MYH10: variants seen among roughly 807,000 people sequenced by gnomAD.
MYH10 encodes the protein myosin heavy chain 10, also known as myosin-10.
A neutral mutation model predicts 257.8 loss-of-function variants in MYH10; 55 were observed. That is an observed-to-expected ratio of 0.21 (90% confidence interval 0.17 to 0.27). The LOEUF is 0.27. Ranked by LOEUF, MYH10 falls within the 10% of genes least tolerant of loss-of-function variation. The pLI is 1.00. For synonymous variants in MYH10, 854 were observed against 921.7 expected (o/e 0.93, Z 1.33); for missense variants, 1,631 against 2,500.6 (o/e 0.65, Z 7.42).
intron 13 of MYH10, 151 bp from the exon 14 acceptor site, chr17:8,542,431 C>T: frequency 1.5e-6 from 1 of 664,198 alleles, no homozygotes; most frequent in Non-Finnish European, 2.5e-6. Flanking sequence ...AGTGACTAAA[C>T]CAAGGGGGGT....
At chr17:8,508,481 C>A in intron 26 of MYH10, 73 bp downstream of exon 26, 2 of 1,578,018 alleles carry the variant, frequency 1.3e-6, no homozygotes, top group Admixed American at 1.8e-5. Flanking sequence ...TTTATTTTTG[C>A]ATGTTCTGAT....
At chr17:8,559,482 T>C (rs2082915810) in intron 7 of MYH10, among the ~76,000 whole-genome samples, 1 of 152,176 alleles carries the variant, frequency 6.6e-6, no homozygotes, top group Non-Finnish European at 1.5e-5. Context: ...CCCATTATTC[T>C]TATTATTTTA....
chr17:8,484,417 G>T, intron 36 of MYH10, 151 bp from the exon 37 acceptor site: 4 of 624,734 alleles, frequency 6.4e-6, no homozygotes, highest in Non-Finnish European at 5.2e-6. Flanking sequence ...TGTGAGCTGC[G>T]GTGCCTGGCC....
intron 2 of MYH10, among the ~76,000 whole-genome samples, chr17:8,612,663 C>G (rs2085087504): frequency 6.6e-6 from 1 of 151,994 alleles, no homozygotes; most frequent in Non-Finnish European, 1.5e-5. Flanking sequence ...CCAGCCTGAC[C>G]AACACGGTGA....
intron 37 of MYH10, 57 bp downstream of exon 37, chr17:8,484,081 G>A: frequency 2.8e-6 from 4 of 1,447,392 alleles, no homozygotes; most frequent in East Asian, 5.0e-5. Flanking sequence ...TTTTGATCTT[G>A]GAGAAATTTC....
chr17:8,595,145 C>A (rs1027153385), intron 3 of MYH10, among the ~76,000 whole-genome samples: 1 of 152,154 alleles, frequency 6.6e-6, no homozygotes, highest in African/African-American at 2.4e-5. Context: ...AAAGAAGCCA[C>A]ACTCAAAAGG....
At chr17:8,589,957 T>C (rs1281509022) in intron 3 of MYH10, among the ~76,000 whole-genome samples, 12 of 152,202 alleles carry the variant, frequency 7.9e-5, no homozygotes, top group Non-Finnish European at 1.3e-4. Flanking sequence ...AGGGGCAAGG[T>C]TGCCAGGATG....
chr17:8,616,372 G>A (rs868645341), intron 2 of MYH10, among the ~76,000 whole-genome samples: 8 of 151,722 alleles, frequency 5.3e-5, no homozygotes, highest in South Asian at 2.1e-4. Flanking sequence ...CAGAATTTTC[G>A]GCTAAACTAT....
intron 30 of MYH10, among the ~76,000 whole-genome samples, chr17:8,498,279 C>A (rs1288582029): frequency 2.6e-5 from 4 of 152,036 alleles, no homozygotes; most frequent in Non-Finnish European, 5.9e-5. Flanking sequence ...AGCTACCACG[C>A]CCGGCCCCAT....
chr17:8,550,658 G>A (rs1445041282), intron 9 of MYH10, among the ~76,000 whole-genome samples: 1 of 152,186 alleles, frequency 6.6e-6, no homozygotes, highest in African/African-American at 2.4e-5. Context: ...AGCTCATTGA[G>A]AGCGGGCCAG....
In MYH10 at chr17:8,513,523, G is replaced by C; in HGVS notation, c.2745+15C>G. Reference sequence around the variant, plus strand: ...ATTCAGGGCCAAGTGTGAGTTACAAGGTCACTGCACACACCTGCTGGTGCT... The same window carrying C: ...ATTCAGGGCCAAGTGTGAGTTACAACGTCACTGCACACACCTGCTGGTGCT... On this transcript the variant is annotated intron_variant, in intron 23 of 42. Coordinates refer to ENST00000360416, the MANE Select transcript of MYH10 (RefSeq NM_001256012.3). 6.2e-7 allele frequency: 1 copy of C among 1,613,038 alleles called. No individual in the cohort carries two copies. Among genetic ancestry groups the C allele is most frequent in the Non-Finnish European group, 8.5e-7 (1 of 1,179,610 alleles).
intron 17 of MYH10, among the ~76,000 whole-genome samples, chr17:8,528,377 G>GT (rs1016028293): frequency 3.9e-5 from 6 of 152,024 alleles, no homozygotes; most frequent in Admixed American, 3.3e-4. Context: ...TCCACTACTG[G>GT]TTTATCTCTG....
chr17:8,576,908 C>T (rs899581583), intron 5 of MYH10, among the ~76,000 whole-genome samples: 3 of 152,200 alleles, frequency 2.0e-5, no homozygotes, highest in African/African-American at 7.2e-5. Context: ...TCTACCCTCC[C>T]CTCAAGCTGC....
At chr17:8,476,151 A>G (rs1224415583) in intron 42 of MYH10, among the ~76,000 whole-genome samples, 1 of 152,234 alleles carries the variant, frequency 6.6e-6, no homozygotes, top group Non-Finnish European at 1.5e-5. Context: ...TACGCGAAGC[A>G]GGGTCCTTGG....
rs201293241 is a variant in MYH10, at chr17:8,481,309, G to A, written c.5264+13C>T. On this transcript the variant is annotated intron_variant, in intron 38 of 42. Transcript: ENST00000360416. ...GAGGGCGAAGAACCCACCCCCGGCC[G>A]TGGGAGACTCACTTGCCAGAGGCGC... 712 of 1,612,954 alleles carry A rather than the reference G, an allele frequency of 4.4e-4. 1 individual carries two copies. Among genetic ancestry groups the A allele is most frequent in the Non-Finnish European group, 5.1e-4 (603 of 1,179,614 alleles).
At chr17:8,575,972 G>C (rs1201691388) in intron 6 of MYH10, among the ~76,000 whole-genome samples, 4 of 152,210 alleles carry the variant, frequency 2.6e-5, no homozygotes, top group East Asian at 1.9e-4. Flanking sequence ...TAAGAAAATT[G>C]TAATTGATTT....
chr17:8,487,678 T>C, intron 35 of MYH10, 84 bp from the exon 36 acceptor site: 2 of 1,513,304 alleles, frequency 1.3e-6, no homozygotes, highest in Non-Finnish European at 1.8e-6. Context: ...TGGGGGGCTC[T>C]GGTTACTCGG....
At position 8,592,970 on chromosome 17, in the gene MYH10, T is replaced by TATATATAA. The variant is rs1567953268; in HGVS notation, c.503-3863_503-3862insTTATATAT. 1.6e-4 allele frequency among the ~76,000 whole-genome samples: 19 copies of TATATATAA among 121,956 alleles called. 1 individual carries two copies. The highest frequency in any genetic ancestry group is 2.6e-4 in the South Asian group (1 of 3,876). 80.0% of individuals were successfully genotyped at this position (121,956 alleles called of 152,430 possible). A position where few individuals can be genotyped will look rare whatever the true frequency, so the allele number is the denominator to read the frequency against. ...ATATATATATATATATATATATATA[T>TATATATAA]AAAAGATGATGCACAGAAAGAACAA... is the stretch of plus-strand genomic sequence containing the variant. On this transcript the variant is annotated intron_variant, in intron 3 of 42. Transcript: ENST00000360416.
At position 8,504,103 on chromosome 17, in the gene MYH10, G is replaced by A. The variant is rs142955685; in HGVS notation, c.3599+591C>T. On this transcript the variant is annotated intron_variant, in intron 28 of 42. Transcript: ENST00000360416. The surrounding 1 kb of genome is among the most constrained non-coding windows in gnomAD (Gnocchi z 5.6). Reference sequence around the variant, plus strand: ...CCACACTGCAGCTTTCTACCCAGGAGCCTTCTCTGGCCATGTTCACCTATG... The same window carrying A: ...CCACACTGCAGCTTTCTACCCAGGAACCTTCTCTGGCCATGTTCACCTATG... 1.1e-3 allele frequency among the ~76,000 whole-genome samples: 164 copies of A among 152,330 alleles called. 1 individual carries two copies. The highest frequency in any genetic ancestry group is 3.8e-3 in the African/African-American group (158 of 41,572).
Sources: gnomAD v4.1 joint callset for allele counts (sites outside exome capture counted in the v4.1 genomes callset) on GRCh38, gnomAD v4.1.1 for gene constraint, Gnocchi (gnomAD v3.1) non-coding constraint, MANE v1.5 for transcripts, NCBI Gene and HGNC (gene_info 2026-07-23, HGNC 2026-07-21) for gene names.